GSTO2: variants seen among roughly 807,000 people sequenced by gnomAD.
GSTO2 encodes glutathione S-transferase omega 2, also known as glutathione S-transferase omega-2.
In GSTO2, 23 loss-of-function variants were observed where a neutral mutation model predicts 28.4. The observed-to-expected ratio is 0.81, with a 90% CI of 0.58 to 1.15. GSTO2 has a LOEUF of 1.15. GSTO2 is among the 50% of genes most tolerant of loss of function. The pLI is 0.00. For missense variants in GSTO2, 298 were observed against 297.8 expected, an observed-to-expected ratio of 1.00 and a Z score of 0.00; for synonymous variants, 109 against 111.0, an observed-to-expected ratio of 0.98 and a Z score of 0.11.
intron 1 of GSTO2, among the ~76,000 whole-genome samples, chr10:104,272,896 G>A (rs1474445051): frequency 6.6e-6 from 1 of 152,134 alleles, no homozygotes; most frequent in Non-Finnish European, 1.5e-5. Context: ...ACAGGCATGA[G>A]CCACCGCACC....
Position 104,299,279 on chromosome 10 carries a change from T to G in GSTO2, c.727T>G (p.Cys243Gly). The G allele has an allele frequency of 6.2e-7, 1 of 1,614,130 alleles. No homozygotes were observed. The highest frequency in any genetic ancestry group is 8.5e-7 in the Non-Finnish European group (1 of 1,179,994). ...CCCTAATGCCTTTGACTTTGGGCTG[T>G]GCTGAGTCTCACTGTCCACCCCTTC... is the stretch of plus-strand genomic sequence containing the variant. ...NNPNAFDFGLC is the reference protein window; with the variant it reads ...NNPNAFDFGLG Residue 243 changes from cysteine (C) to glycine (G), a missense_variant, in exon 7 of 7, where the codon TGC becomes GGC. Physicochemically the swap from Cys to Gly is radical, Grantham distance 159 (BLOSUM62 -3). Coordinates refer to ENST00000338595, the MANE Select transcript of GSTO2 (RefSeq NM_183239.2).
rs151042116 is a variant in GSTO2 at position 104,275,224 on chromosome 10, A to G, written c.35-2A>G. 129 of 1,612,146 alleles carry G rather than the reference A, an allele frequency of 8.0e-5. No homozygotes were observed. The highest frequency in any genetic ancestry group is 4.2e-4 in the South Asian group (38 of 90,950). ...CTGTCCCCCTCCATCGCTGCTCTGC[A>G]GGAAGCCAGCCCCCAGGGCCAGTCC... On this transcript the variant is annotated splice_acceptor_variant, in intron 2 of 6. Transcript: ENST00000338595. LOFTEE classifies it high-confidence loss of function.
At chr10:104,285,856 CTCTT>C (rs1266140792) in intron 5 of GSTO2, 4 of 238,660 alleles carry the variant, frequency 1.7e-5, no homozygotes, top group Non-Finnish European at 2.6e-5. Context: ...TTTGCTTTTG[CTCTT>C]TCTTAATTTT....
intron 3 of GSTO2, among the ~76,000 whole-genome samples, chr10:104,276,935 C>T (rs2011664037): frequency 6.6e-6 from 1 of 152,072 alleles, no homozygotes; most frequent in Admixed American, 6.5e-5. Context: ...ATTTGAACAT[C>T]TAATAATTAG....
At chr10:104,272,742 T>C (rs560720747) in intron 1 of GSTO2, among the ~76,000 whole-genome samples, 10 of 151,776 alleles carry the variant, frequency 6.6e-5, no homozygotes, top group African/African-American at 2.2e-4. Flanking sequence ...GCCTCCTGAG[T>C]AGCTGGGACT....
At chr10:104,280,660 G>A (rs1056328682) in intron 5 of GSTO2, among the ~76,000 whole-genome samples, 5 of 152,280 alleles carry the variant, frequency 3.3e-5, no homozygotes, top group African/African-American at 4.8e-5. Flanking sequence ...TACTTATCCT[G>A]TACTTCTAGA....
At chr10:104,282,333 G>T (rs150889233) in intron 5 of GSTO2, among the ~76,000 whole-genome samples, 39 of 151,788 alleles carry the variant, frequency 2.6e-4, no homozygotes, top group African/African-American at 8.7e-4. Context: ...CGGTAGGATC[G>T]CTTGAGCCCA....
At chr10:104,292,553 C>T (rs1163219221) in intron 5 of GSTO2, among the ~76,000 whole-genome samples, 1 of 151,982 alleles carries the variant, frequency 6.6e-6, no homozygotes, top group Non-Finnish European at 1.5e-5. Flanking sequence ...GCCTCTACCT[C>T]CCAGGCTCAG....
intron 5 of GSTO2, among the ~76,000 whole-genome samples, chr10:104,290,490 G>A (rs936075992): frequency 2.0e-5 from 3 of 150,948 alleles, no homozygotes; most frequent in African/African-American, 7.3e-5. Flanking sequence ...GGGTGACAGA[G>A]TCACACTCTG....
Position 104,297,424 on chromosome 10 carries a change from G to T in GSTO2, c.469-154G>T. 7.5e-6 allele frequency: 4 copies of T among 535,902 alleles called. No individual in the cohort carries two copies. In the South Asian group the frequency reaches 8.4e-5, roughly 11 times the overall value. The allele number at this position is 535,902 out of a possible 1,614,324, so 33.2% of individuals were successfully genotyped here. ...CCTAAAAGAGGCAGAGGAGACCTCA[G>T]AGAAAGAGAAGAAGCATTCTCCTAA... On this transcript the variant is annotated intron_variant, in intron 5 of 6. Coordinates refer to ENST00000338595, the MANE Select transcript of GSTO2 (RefSeq NM_183239.2).
intron 4 of GSTO2, 76 bp from the exon 5 acceptor site, chr10:104,279,294 C>T (rs567356151): frequency 1.6e-5 from 20 of 1,231,340 alleles, no homozygotes; most frequent in South Asian, 1.3e-4. Context: ...TATAAAGCTT[C>T]GCTGCCTTTT....
At chr10:104,289,333 C>T (rs2012641760) in intron 5 of GSTO2, among the ~76,000 whole-genome samples, 3 of 152,236 alleles carry the variant, frequency 2.0e-5, no homozygotes, top group South Asian at 4.2e-4. Context: ...TGGGCTGAAG[C>T]GATCCTTCCA....
rs1267133510 is a variant in GSTO2 at position 104,302,445 on chromosome 10, A to G, written c.*3161A>G. ...TTCCCCTCCTTGGAGGTTCTGAGCT[A>G]CAGCCTAGCCTGGACTCAGTCCAGT... On this transcript the variant is annotated 3_prime_UTR_variant, in exon 7 of 7. Transcript: ENST00000338595. 6.6e-6 allele frequency: 1 copy of G among 152,408 alleles called. No homozygotes were observed. The highest frequency in any genetic ancestry group is 1.5e-5 in the Non-Finnish European group (1 of 68,052). 9.4% of individuals were successfully genotyped at this position (152,408 alleles called of 1,614,324 possible).
intron 3 of GSTO2, 133 bp from the exon 4 acceptor site, chr10:104,277,761 T>C: frequency 4.8e-6 from 3 of 626,340 alleles, no homozygotes; most frequent in Non-Finnish European, 8.6e-6. Context: ...ATGTATTTTA[T>C]ACAAAACTTA....
intron 1 of GSTO2, among the ~76,000 whole-genome samples, chr10:104,269,581 TG>T (rs2011287677): frequency 6.6e-6 from 1 of 152,316 alleles, no homozygotes; most frequent in South Asian, 2.1e-4. Context: ...CAGCCTTGCG[TG>T]GGACACCACG....
At chr10:104,293,306 C>G (rs1027953609) in intron 5 of GSTO2, among the ~76,000 whole-genome samples, 3 of 152,064 alleles carry the variant, frequency 2.0e-5, no homozygotes, top group African/African-American at 7.2e-5. Flanking sequence ...AAAGCTGGAA[C>G]AGAAGGTCAA....
At chr10:104,279,518 AG>A (rs1274729797) in intron 5 of GSTO2, 47 bp downstream of exon 5, 1 of 1,378,120 alleles carries the variant, frequency 7.3e-7, no homozygotes, top group Admixed American at 1.7e-5. Flanking sequence ...GGAGGAAGCT[AG>A]GCAGGGTCGC....
At chr10:104,284,643 T>A (rs961325884) in intron 5 of GSTO2, among the ~76,000 whole-genome samples, 1 of 152,238 alleles carries the variant, frequency 6.6e-6, no homozygotes, top group African/African-American at 2.4e-5. Flanking sequence ...TTTATTCTTT[T>A]TCAGGTATTG....
At chr10:104,291,053 T>A (rs2012742038) in intron 5 of GSTO2, among the ~76,000 whole-genome samples, 1 of 152,158 alleles carries the variant, frequency 6.6e-6, no homozygotes. Flanking sequence ...TAATAAAAGA[T>A]TTCTGCCCTG....
Sources: allele counts gnomAD v4.1 joint callset (sites outside exome capture counted in the v4.1 genomes callset), GRCh38; gene constraint gnomAD v4.1.1; transcripts MANE v1.5; gene names NCBI Gene and HGNC (gene_info 2026-07-23, HGNC 2026-07-21).